KIF2A: variants seen among roughly 807,000 people sequenced by gnomAD.
The protein encoded by KIF2A is kinesin-like protein KIF2A.
Under a neutral mutation model 100.2 loss-of-function variants are expected in KIF2A, and 22 were observed. That is an observed-to-expected ratio of 0.22 (90% CI 0.16 to 0.31). The LOEUF (loss-of-function observed/expected upper bound fraction) is 0.31, where lower values mean the gene tolerates loss of function less well. KIF2A is among the 10% of genes least tolerant of loss of function. The pLI, the probability that KIF2A is intolerant of heterozygous loss-of-function variation, is 1.00. For synonymous variants in KIF2A, 268 were observed against 285.9 expected, an observed-to-expected ratio of 0.94 and a Z score of 0.63; for missense variants, 495 against 898.7, an observed-to-expected ratio of 0.55 and a Z score of 5.74.
At chr5:62,311,726 G>T (rs998536556) in intron 1 of KIF2A, 1 of 152,146 alleles carries the variant, frequency 6.6e-6, no homozygotes, top group African/African-American at 2.4e-5. Context: ...TGATTATGGG[G>T]GTGGGATGGA....
chr5:62,360,573 T>C (rs2111951142), intron 9 of KIF2A, among the ~76,000 whole-genome samples: 1 of 152,086 alleles, frequency 6.6e-6, no homozygotes, highest in East Asian at 2.0e-4. Flanking sequence ...TAATCCCAGC[T>C]ACTCGGGAGG....
At position 62,387,407 on chromosome 5, in the gene KIF2A, C is replaced by A. The variant is rs942512288; in HGVS notation, c.*1838C>A. 1 of 152,120 alleles carries A rather than the reference C, an allele frequency of 6.6e-6. No homozygotes were observed. The highest frequency in any genetic ancestry group is 2.4e-5 in the African/African-American group (1 of 41,396). The allele number at this position is 152,120 out of a possible 1,614,324, so 9.4% of individuals were successfully genotyped here. ...ATGTGAATTTGCTCATTTTAAAGCACAACAGATGATTAGCTTCAAATTTAT... is the reference window on the plus strand; with the variant it reads ...ATGTGAATTTGCTCATTTTAAAGCAAAACAGATGATTAGCTTCAAATTTAT... On this transcript the variant is annotated 3_prime_UTR_variant, in exon 21 of 21. Transcript: ENST00000407818.
At position 62,335,619 on chromosome 5, in the gene KIF2A, A is replaced by G. The variant is rs563613694; in HGVS notation, c.65-11511A>G. On this transcript the variant is annotated intron_variant, in intron 1 of 20. Coordinates refer to ENST00000407818, the MANE Select transcript of KIF2A (RefSeq NM_001098511.3). ...TGGAAAGTTGGGGATATAAACGGGA[A>G]CCTGGGAGGCAGGGCTTGTCCGGAT... 3.3e-4 allele frequency among the ~76,000 whole-genome samples: 51 copies of G among 152,254 alleles called. 1 individual carries two copies. The highest frequency in any genetic ancestry group is 1.2e-3 in the African/African-American group (48 of 41,548).
At chr5:62,376,353 T>C (rs1741541732) in intron 18 of KIF2A, among the ~76,000 whole-genome samples, 1 of 152,168 alleles carries the variant, frequency 6.6e-6, no homozygotes. Context: ...CTTAACAAAG[T>C]AGATTAAAAT....
intron 18 of KIF2A, among the ~76,000 whole-genome samples, chr5:62,376,406 TTTTGTTTGTTTG>T (rs4024077): frequency 6.6e-6 from 1 of 151,424 alleles, no homozygotes; most frequent in South Asian, 2.1e-4. Flanking sequence ...GAGAAGTTTT[TTTTGTTTGTTTG>T]TTTGTTTGTT....
At chr5:62,338,593 A>G (rs144717863) in intron 1 of KIF2A, among the ~76,000 whole-genome samples, 13 of 152,244 alleles carry the variant, frequency 8.5e-5, no homozygotes, top group African/African-American at 3.1e-4. Flanking sequence ...TCTGGCTTAT[A>G]AAACTTTAAA....
chr5:62,321,726 A>AT (rs1396429955), intron 1 of KIF2A, among the ~76,000 whole-genome samples: 1 of 151,654 alleles, frequency 6.6e-6, no homozygotes, highest in Non-Finnish European at 1.5e-5. Flanking sequence ...CATCCGGTCG[A>AT]TTTTTATATT....
chr5:62,327,781 C>T (rs188452630), intron 1 of KIF2A, among the ~76,000 whole-genome samples: 10 of 152,256 alleles, frequency 6.6e-5, no homozygotes, highest in African/African-American at 2.4e-4. Flanking sequence ...GAAATTTCCA[C>T]GACTCAGGGC....
intron 14 of KIF2A, 89 bp downstream of exon 14, chr5:62,363,988 C>G: frequency 9.8e-7 from 1 of 1,016,424 alleles, no homozygotes; most frequent in South Asian, 1.6e-5. Context: ...ACTTGTTTTA[C>G]CTAATAAAAA....
rs1310137599 is a variant in KIF2A, at chr5:62,385,633, G to C, written c.*64G>C. 1 of 1,123,536 alleles carries C rather than the reference G, an allele frequency of 8.9e-7. No homozygotes were observed. Among genetic ancestry groups the C allele is most frequent in the Non-Finnish European group, 1.3e-6 (1 of 768,290 alleles). The allele number at this position is 1,123,536 out of a possible 1,614,324, so 69.6% of individuals were successfully genotyped here. A position where few individuals can be genotyped will look rare whatever the true frequency, so the allele number is the denominator to read the frequency against. On this transcript the variant is annotated 3_prime_UTR_variant, in exon 21 of 21. Transcript: ENST00000407818. ...TACTGTAACATACAACGGTTCAGCT[G>C]TAAGGGCCATTTGAAAGTTTGGAAT...
At chr5:62,364,359 G>T (rs764564781) in intron 14 of KIF2A, among the ~76,000 whole-genome samples, 7 of 151,998 alleles carry the variant, frequency 4.6e-5, no homozygotes, top group Non-Finnish European at 8.8e-5. Flanking sequence ...TGTTGGCTAG[G>T]CTGGTCTTGA....
At chr5:62,364,272 C>T (rs1474570854) in intron 14 of KIF2A, among the ~76,000 whole-genome samples, 1 of 152,000 alleles carries the variant, frequency 6.6e-6, no homozygotes, top group African/African-American at 2.4e-5. Context: ...CTCAGCCTCT[C>T]CAGGAGCTGG....
chr5:62,360,204 G>T (rs166009), intron 9 of KIF2A, among the ~76,000 whole-genome samples: 1 of 151,144 alleles, frequency 6.6e-6, no homozygotes, highest in Non-Finnish European at 1.5e-5. Context: ...TGGTCAGGCC[G>T]GTCTCGAACT....
chr5:62,340,121 G>C (rs1329564594), intron 1 of KIF2A, among the ~76,000 whole-genome samples: 1 of 151,952 alleles, frequency 6.6e-6, no homozygotes, highest in Admixed American at 6.6e-5. Flanking sequence ...GTTTTTAGTA[G>C]AGAGGGGGTT....
rs1439219446 is a variant in KIF2A at position 62,387,187 on chromosome 5, T to C, written c.*1618T>C. 6.6e-6 allele frequency: 1 copy of C among 152,212 alleles called. No homozygotes were observed. Among genetic ancestry groups the C allele is most frequent in the African/African-American group, 2.4e-5 (1 of 41,456 alleles). 9.4% of individuals were successfully genotyped at this position (152,212 alleles called of 1,614,324 possible). A position where few individuals can be genotyped will look rare whatever the true frequency, so the allele number is the denominator to read the frequency against. On this transcript the variant is annotated 3_prime_UTR_variant, in exon 21 of 21. Transcript: ENST00000407818. ...AATAAATGAAGTCTATGGAATAAGT[T>C]TTAGAGATAATTTACTTCAGTCACC...
intron 1 of KIF2A, among the ~76,000 whole-genome samples, chr5:62,316,366 T>C (rs1210574053): frequency 6.6e-6 from 1 of 152,244 alleles, no homozygotes; most frequent in African/African-American, 2.4e-5. Flanking sequence ...ATGCAGCTGC[T>C]CTTTTTTACT....
rs1742137656 is a variant in KIF2A, at chr5:62,388,417, C to T, written c.*2848C>T. ...GTGGCAGTAGCAGACTTGGGCTTAC[C>T]CAGAACCCTAAGTCTCTGACGCTAT... On this transcript the variant is annotated 3_prime_UTR_variant, in exon 21 of 21. Coordinates refer to ENST00000407818, the MANE Select transcript of KIF2A (RefSeq NM_001098511.3). 1 of 152,260 alleles carries T rather than the reference C, an allele frequency of 6.6e-6. No individual in the cohort carries two copies. The highest frequency in any genetic ancestry group is 2.4e-5 in the African/African-American group (1 of 41,422). The allele number at this position is 152,260 out of a possible 1,614,324, so 9.4% of individuals were successfully genotyped here. A position where few individuals can be genotyped will look rare whatever the true frequency, so the allele number is the denominator to read the frequency against.
chr5:62,363,485 T>C (rs866893648), intron 13 of KIF2A, among the ~76,000 whole-genome samples, 165 bp downstream of exon 13: 2 of 152,248 alleles, frequency 1.3e-5, no homozygotes, highest in Admixed American at 1.3e-4. Flanking sequence ...ATATTGATAC[T>C]ACATTACAAA....
intron 16 of KIF2A, among the ~76,000 whole-genome samples, chr5:62,367,615 CTTATAAACA>C (rs992295080): frequency 1.2e-4 from 18 of 152,176 alleles, no homozygotes; most frequent in African/African-American, 3.9e-4. Context: ...TATTAATAGT[CTTATAAACA>C]TTATAAACAT....
Sources: gnomAD v4.1 joint callset for allele counts (sites outside exome capture counted in the v4.1 genomes callset) on GRCh38, gnomAD v4.1.1 for gene constraint, MANE v1.5 for transcripts, NCBI Gene and HGNC (gene_info 2026-07-23, HGNC 2026-07-21) for gene names.